CMSS1: variants seen among roughly 807,000 people sequenced by gnomAD.
CMSS1 encodes protein CMSS1.
A neutral mutation model predicts 43.5 loss-of-function variants in CMSS1; 33 were observed. The ratio of observed to expected loss-of-function variants is 0.76; its 90% CI spans 0.57 to 1.01. The LOEUF (loss-of-function observed/expected upper bound fraction) is 1.01. CMSS1 is among the 50% of genes least tolerant of loss of function. CMSS1 has a pLI of 0.00. For synonymous variants in CMSS1, 115 were observed against 117.2 expected (o/e 0.98, Z 0.12); for missense variants, 313 against 326.4 (o/e 0.96, Z 0.32).
At chr3:100,100,496 T>A (rs1349708303) in intron 1 of CMSS1, among the ~76,000 whole-genome samples, 1 of 152,148 alleles carries the variant, frequency 6.6e-6, no homozygotes, top group Non-Finnish European at 1.5e-5. Flanking sequence ...CAAGTCCACA[T>A]TTGAATCATT....
rs1457516382 is a variant in CMSS1 at position 99,833,154 on chromosome 3, C to T, written c.64+15111C>T. On this transcript the variant is annotated intron_variant, in intron 1 of 9. Coordinates refer to ENST00000421999, the MANE Select transcript of CMSS1 (RefSeq NM_032359.4). ...TGGAAAGCTCATTCATAGAAGAAAA[C>T]GATTTTTTAATAAATGCTTAACCCA... 5.3e-6 allele frequency: 7 copies of T among 1,320,254 alleles called. No homozygotes were observed. In the East Asian group the frequency reaches 1.2e-4, roughly 22 times the overall value. 81.8% of individuals were successfully genotyped at this position (1,320,254 alleles called of 1,614,324 possible). A position where few individuals can be genotyped will look rare whatever the true frequency, so the allele number is the denominator to read the frequency against.
chr3:99,892,425 C>G (rs1706111651), intron 1 of CMSS1, among the ~76,000 whole-genome samples: 1 of 152,208 alleles, frequency 6.6e-6, no homozygotes, highest in Non-Finnish European at 1.5e-5. Flanking sequence ...TGTAATCATC[C>G]AAAAACCTGA....
intron 1 of CMSS1, among the ~76,000 whole-genome samples, chr3:99,828,789 A>G (rs1476927907): frequency 1.3e-5 from 2 of 151,464 alleles, no homozygotes; most frequent in East Asian, 1.9e-4. Flanking sequence ...CCCTTCTACT[A>G]TTCTCTTCCT....
chr3:100,143,995 C>T (rs2066826280), intron 1 of CMSS1, among the ~76,000 whole-genome samples: 2 of 152,098 alleles, frequency 1.3e-5, no homozygotes, highest in South Asian at 4.1e-4. Flanking sequence ...ATAGTTCGGT[C>T]ATATTTTAAA....
At chr3:100,032,581 T>C (rs139559480) in intron 1 of CMSS1, among the ~76,000 whole-genome samples, 46 of 152,328 alleles carry the variant, frequency 3.0e-4, no homozygotes, top group South Asian at 6.2e-4. Flanking sequence ...AAAATGCATT[T>C]TGTATCACAA....
At chr3:100,133,495 T>G (rs935555196) in intron 1 of CMSS1, among the ~76,000 whole-genome samples, 2 of 152,152 alleles carry the variant, frequency 1.3e-5, no homozygotes, top group Admixed American at 6.5e-5. Flanking sequence ...TCTAAAAATC[T>G]CCACAATGAA....
intron 1 of CMSS1, among the ~76,000 whole-genome samples, chr3:100,132,818 CAAAA>C (rs537334560): frequency 3.0e-5 from 2 of 66,360 alleles, no homozygotes; most frequent in African/African-American, 5.1e-5. Flanking sequence ...GACTCCATCC[CAAAA>C]AAAAAAAAAA....
intron 1 of CMSS1, among the ~76,000 whole-genome samples, chr3:100,111,500 A>T (rs548655075): frequency 6.6e-6 from 1 of 152,280 alleles, no homozygotes; most frequent in African/African-American, 2.4e-5. Flanking sequence ...TGCGAGTTTT[A>T]TACACAATAT....
chr3:99,817,909 TG>T lies in CMSS1; in HGVS notation c.-70del. 3 of 1,535,400 alleles carry T rather than the reference TG, an allele frequency of 2.0e-6. No individual in the cohort carries two copies. Among genetic ancestry groups the T allele is most frequent in the South Asian group, 1.1e-5 (1 of 88,730 alleles). On this transcript the variant is annotated 5_prime_UTR_variant, in exon 1 of 10. Transcript: ENST00000421999. ...TGTAGCTACGCCGGCCGCCTGGCTT[TG>T]AGACAACGTGATTCTCCGCAGCTGG... is the stretch of plus-strand genomic sequence containing the variant.
At chr3:99,824,699 C>T (rs959593121) in intron 1 of CMSS1, among the ~76,000 whole-genome samples, 1 of 152,228 alleles carries the variant, frequency 6.6e-6, no homozygotes, top group East Asian at 1.9e-4. Flanking sequence ...TTCAAAATTA[C>T]ATTAGTAGTC....
intron 1 of CMSS1, among the ~76,000 whole-genome samples, chr3:99,877,878 T>TAGC (rs1366489411): frequency 2.0e-5 from 3 of 152,210 alleles, no homozygotes; most frequent in Non-Finnish European, 4.4e-5. Flanking sequence ...AACAGTTTTG[T>TAGC]AGCTTGTTTT....
At chr3:100,123,664 C>T (rs2066639655) in intron 1 of CMSS1, among the ~76,000 whole-genome samples, 1 of 152,232 alleles carries the variant, frequency 6.6e-6, no homozygotes, top group Non-Finnish European at 1.5e-5. Flanking sequence ...TGTAGGCAGC[C>T]TATCATTAAT....
At chr3:100,115,087 C>A in intron 1 of CMSS1, 2 of 901,732 alleles carry the variant, frequency 2.2e-6, no homozygotes, top group Non-Finnish European at 1.7e-6. Flanking sequence ...AAATTTGAAG[C>A]ATCTAATTTT....
chr3:100,011,453 G>A (rs1333081188), intron 1 of CMSS1, among the ~76,000 whole-genome samples: 1 of 152,104 alleles, frequency 6.6e-6, no homozygotes, highest in African/African-American at 2.4e-5. Flanking sequence ...GGACTAGTTA[G>A]ATGCCATCTT....
At chr3:100,066,059 A>C (rs1201159778) in intron 1 of CMSS1, among the ~76,000 whole-genome samples, 1 of 152,246 alleles carries the variant, frequency 6.6e-6, no homozygotes, top group Non-Finnish European at 1.5e-5. Flanking sequence ...AGCCACTGCT[A>C]TAAGGGATAA....
chr3:100,151,460 G>A lies in CMSS1; in HGVS notation c.153+4399G>A, dbSNP rs371970822. Reference sequence around the variant, plus strand: ...AGCTCACTGGTGTGGATGCCGGCACGTCTCAATCTCTCACTATTTGAGCCT... The same window carrying A: ...AGCTCACTGGTGTGGATGCCGGCACATCTCAATCTCTCACTATTTGAGCCT... On this transcript the variant is annotated intron_variant, in intron 2 of 9. Coordinates refer to ENST00000421999, the MANE Select transcript of CMSS1 (RefSeq NM_032359.4). Among the ~76,000 whole-genome samples the A allele has an allele frequency of 4.6e-5, 7 of 152,260 alleles. No individual in the cohort carries two copies. The East Asian group carries it at 1.2e-3, about 25-fold the overall frequency.
At chr3:100,169,862 A>C (rs1284390471) in intron 6 of CMSS1, among the ~76,000 whole-genome samples, 1 of 152,172 alleles carries the variant, frequency 6.6e-6, no homozygotes, top group Non-Finnish European at 1.5e-5. Context: ...TGGACTCTTA[A>C]AATAAAGCTA....
chr3:99,866,298 T>G (rs1371346515), intron 1 of CMSS1, among the ~76,000 whole-genome samples: 5 of 152,142 alleles, frequency 3.3e-5, no homozygotes, highest in African/African-American at 9.7e-5. Context: ...GTTCACTGGT[T>G]TTCACCTCCT....
At chr3:100,118,423 ACCT>A (rs1455638897) in intron 1 of CMSS1, among the ~76,000 whole-genome samples, 9 of 152,194 alleles carry the variant, frequency 5.9e-5, no homozygotes, top group African/African-American at 2.2e-4. Context: ...TAGACTTTTC[ACCT>A]CCTGATCAGT....
Sources: allele counts gnomAD v4.1 joint callset (sites outside exome capture counted in the v4.1 genomes callset), GRCh38; gene constraint gnomAD v4.1.1; transcripts MANE v1.5; gene names NCBI Gene and HGNC (gene_info 2026-07-23, HGNC 2026-07-21).